The following TMEM131L variants were observed in gnomAD, a reference collection of about 807,000 sequenced individuals.
The protein encoded by TMEM131L is transmembrane 131 like, also known as transmembrane protein 131-like.
Under a neutral mutation model 192.2 loss-of-function variants are expected in TMEM131L, and 54 were observed. The observed-to-expected ratio is 0.28, with a 90% CI of 0.23 to 0.35. The LOEUF is 0.35. Ranked by LOEUF, TMEM131L falls within the 10% of genes least tolerant of loss-of-function variation. The probability of loss-of-function intolerance (pLI) is 1.00; values close to 1 mark genes in which losing one functional copy is unlikely to be tolerated. For synonymous variants in TMEM131L, 701 were observed against 704.9 expected (o/e 0.99, Z 0.09); for missense variants, 1,888 against 1,972.9 (o/e 0.96, Z 0.82).
At chr4:153,474,003 A>G (rs936504343) in intron 3 of TMEM131L, 115 bp downstream of exon 3, 13 of 604,536 alleles carry the variant, frequency 2.2e-5, no homozygotes, top group Non-Finnish European at 3.7e-5. Flanking sequence ...TCTGTAATAC[A>G]CCTTTCTCTT....
intron 3 of TMEM131L, among the ~76,000 whole-genome samples, chr4:153,523,565 G>T (rs1397364337): frequency 1.3e-5 from 2 of 152,150 alleles, no homozygotes; most frequent in Non-Finnish European, 2.9e-5. Context: ...AAGAATTGAG[G>T]CTTTAGAAAA....
intron 3 of TMEM131L, among the ~76,000 whole-genome samples, chr4:153,518,890 C>T (rs1490704653): frequency 6.6e-6 from 1 of 152,116 alleles, no homozygotes; most frequent in East Asian, 1.9e-4. Flanking sequence ...CTGTTTACTC[C>T]ATGTCAGTGC....
At chr4:153,494,617 C>T (rs778017285) in intron 3 of TMEM131L, among the ~76,000 whole-genome samples, 1 of 152,172 alleles carries the variant, frequency 6.6e-6, no homozygotes, top group Non-Finnish European at 1.5e-5. Context: ...GTCTTATTGT[C>T]CTGAGCACCG....
intron 3 of TMEM131L, among the ~76,000 whole-genome samples, chr4:153,517,412 G>A (rs1303082594): frequency 6.6e-6 from 1 of 152,156 alleles, no homozygotes; most frequent in Non-Finnish European, 1.5e-5. Flanking sequence ...GGGTTCCTAG[G>A]AATGTTTTTA....
At chr4:153,554,846 G>A (rs1292228308) in intron 4 of TMEM131L, among the ~76,000 whole-genome samples, 1 of 152,252 alleles carries the variant, frequency 6.6e-6, no homozygotes, top group Admixed American at 6.5e-5. Flanking sequence ...ATTAGAGGGA[G>A]CATTGTAGGT....
At chr4:153,527,552 C>T (rs1386123407) in intron 3 of TMEM131L, among the ~76,000 whole-genome samples, 1 of 152,218 alleles carries the variant, frequency 6.6e-6, no homozygotes, top group East Asian at 1.9e-4. Flanking sequence ...GCTAGGATTA[C>T]AGGCATGAGC....
At chr4:153,584,565 C>T (rs892315898) in intron 11 of TMEM131L, among the ~76,000 whole-genome samples, 1 of 152,192 alleles carries the variant, frequency 6.6e-6, no homozygotes, top group East Asian at 1.9e-4. Context: ...CGTGCCTCCA[C>T]ACATTTTACT....
In TMEM131L at chr4:153,623,039, G is replaced by A. The variant is rs374000960; in HGVS notation, c.4001G>A (p.Gly1334Glu). 1 of 1,613,322 alleles carries A rather than the reference G, an allele frequency of 6.2e-7. No homozygotes were observed. The highest frequency in any genetic ancestry group is 1.7e-5 in the Admixed American group (1 of 59,866). ...GSWSSTSSSDGDKKPMVDAQH... is the reference protein window; with the variant it reads ...GSWSSTSSSDEDKKPMVDAQH... ...TGGAGCAGCACCAGCAGCTCCGACGGGGATAAGAAGCCCATGGTGGACGCC... is the reference window on the plus strand; with the variant it reads ...TGGAGCAGCACCAGCAGCTCCGACGAGGATAAGAAGCCCATGGTGGACGCC... The change falls in exon 29 of 35, where the codon GGG (glycine) becomes GAG (glutamate). Residue 1334 changes from glycine (G) to glutamate (E), a missense_variant. Gly to Glu is a moderately conservative substitution (Grantham distance 98). Transcript: ENST00000409959.
At chr4:153,631,224 C>A (rs945214433) in intron 31 of TMEM131L, among the ~76,000 whole-genome samples, 1 of 152,220 alleles carries the variant, frequency 6.6e-6, no homozygotes, top group Non-Finnish European at 1.5e-5. Flanking sequence ...GAGCCAGGCC[C>A]AGGCATTTAA....
At chr4:153,620,973 AT>A in intron 27 of TMEM131L, 93 bp downstream of exon 27, 1 of 850,754 alleles carries the variant, frequency 1.2e-6, no homozygotes, top group Non-Finnish European at 1.9e-6. Flanking sequence ...TTTCGGTGAT[AT>A]TAGATACCGA....
In TMEM131L at chr4:153,610,353, C is replaced by A. The variant is rs375249566; in HGVS notation, c.3419-1899C>A. On this transcript the variant is annotated intron_variant, in intron 25 of 34. Transcript: ENST00000409959. Reference sequence around the variant, plus strand: ...GGATATGACTTTGGCCATTGTATTTCCATCACAGCCAAAAGCATTAAAAAC... The same window carrying A: ...GGATATGACTTTGGCCATTGTATTTACATCACAGCCAAAAGCATTAAAAAC... Among the ~76,000 whole-genome samples the A allele has an allele frequency of 1.8e-3, 272 of 152,278 alleles. 4 individuals carry two copies. In the South Asian group the frequency reaches 0.038, roughly 21 times the overall value.
intron 13 of TMEM131L, 31 bp downstream of exon 13, chr4:153,585,642 G>C: frequency 1.3e-6 from 2 of 1,535,352 alleles, no homozygotes; most frequent in Non-Finnish European, 1.8e-6. Context: ...CCAAGTTTTA[G>C]CTTATTTTAA....
chr4:153,603,998 A>G lies in TMEM131L; in HGVS notation c.2986A>G (p.Ser996Gly). ...SKHKTSTAAASSTSTTTEEKQ... is the reference protein window; with the variant it reads ...SKHKTSTAAAGSTSTTTEEKQ... ...ACACAAAACCAGCACAGCTGCGGCC[A>G]GCAGCACCAGCACGACTACTGAGGA... Residue 996 changes from serine (S) to glycine (G), a missense_variant, in exon 25 of 35, where the codon AGC becomes GGC. Transcript: ENST00000409959. 1 of 1,614,138 alleles carries G rather than the reference A, an allele frequency of 6.2e-7. No homozygotes were observed. Among genetic ancestry groups the G allele is most frequent in the Non-Finnish European group, 8.5e-7 (1 of 1,180,014 alleles).
intron 7 of TMEM131L, among the ~76,000 whole-genome samples, chr4:153,572,092 T>C (rs889458595): frequency 4.6e-5 from 7 of 152,190 alleles, no homozygotes; most frequent in Non-Finnish European, 1.0e-4. Flanking sequence ...AGGTATGGGA[T>C]AGAGAGTGCT....
chr4:153,579,238 G>A (rs1211556932), intron 7 of TMEM131L, among the ~76,000 whole-genome samples: 3 of 152,120 alleles, frequency 2.0e-5, no homozygotes, highest in South Asian at 4.2e-4. Context: ...GTGTGTGCCT[G>A]TAGTCCCAGC....
At position 153,552,947 on chromosome 4, in the gene TMEM131L, T is replaced by A. The variant is rs1296711363; in HGVS notation, c.308+2806T>A. 4.8e-4 allele frequency among the ~76,000 whole-genome samples: 73 copies of A among 150,886 alleles called. No individual in the cohort carries two copies. In the Middle Eastern group the frequency reaches 0.01, roughly 21 times the overall value. On this transcript the variant is annotated intron_variant, in intron 4 of 34. Coordinates refer to ENST00000409959, the MANE Select transcript of TMEM131L (RefSeq NM_001131007.2). ...TTTCTTGTGTTGTTATTTTTTGTGTTTTTTTTTTTCCCTCAAACACTTTCA... is the reference window on the plus strand; with the variant it reads ...TTTCTTGTGTTGTTATTTTTTGTGTATTTTTTTTTCCCTCAAACACTTTCA...
chr4:153,600,030 A>T (rs1466143324), intron 21 of TMEM131L, among the ~76,000 whole-genome samples: 1 of 152,134 alleles, frequency 6.6e-6, no homozygotes, highest in Non-Finnish European at 1.5e-5. Flanking sequence ...AAGAGTGAAG[A>T]CTTCGTCTCA....
At chr4:153,516,292 A>C (rs900649849) in intron 3 of TMEM131L, among the ~76,000 whole-genome samples, 1 of 152,086 alleles carries the variant, frequency 6.6e-6, no homozygotes, top group Non-Finnish European at 1.5e-5. Context: ...TGCAGTGGCA[A>C]GATCTTGGCT....
intron 3 of TMEM131L, among the ~76,000 whole-genome samples, chr4:153,486,707 T>G (rs1561122132): frequency 6.6e-6 from 1 of 152,188 alleles, no homozygotes; most frequent in Non-Finnish European, 1.5e-5. Context: ...TTCTCAGAAG[T>G]ACTCCCCAGC....
Sources: gnomAD v4.1 joint callset for allele counts (sites outside exome capture counted in the v4.1 genomes callset) on GRCh38, gnomAD v4.1.1 for gene constraint, MANE v1.5 for transcripts, NCBI Gene and HGNC (gene_info 2026-07-23, HGNC 2026-07-21) for gene names.